Variants in GRID2 observed in about 807,000 individuals in gnomAD.
GRID2 encodes the protein glutamate receptor ionotropic, delta-2.
Under a neutral mutation model 114.8 loss-of-function variants are expected in GRID2, and 33 were observed. The ratio of observed to expected loss-of-function variants is 0.29; its 90% CI spans 0.22 to 0.38. The LOEUF (loss-of-function observed/expected upper bound fraction) is 0.38, where lower values mean the gene tolerates loss of function less well. GRID2 is among the 10% of genes least tolerant of loss of function. The pLI, the probability that GRID2 is intolerant of heterozygous loss-of-function variation, is 1.00. For missense variants in GRID2, 1,184 were observed against 1,257.7 expected (o/e 0.94, Z 0.89); for synonymous variants, 505 against 449.9 (o/e 1.12, Z -1.55).
At chr4:93,533,127 C>A (rs1731622116) in intron 13 of GRID2, among the ~76,000 whole-genome samples, 1 of 152,172 alleles carries the variant, frequency 6.6e-6, no homozygotes, top group African/African-American at 2.4e-5. Context: ...GTTGTCCCAC[C>A]TTTTATTTTT....
rs527770693 is a variant in GRID2 at position 92,975,156 on chromosome 4, C to CAAAAAA, written c.245-109823_245-109818dup. Among the ~76,000 whole-genome samples, 15 of 46,672 alleles carry CAAAAAA rather than the reference C, an allele frequency of 3.2e-4. 3 individuals carry two copies. Among genetic ancestry groups the CAAAAAA allele is most frequent in the Non-Finnish European group, 4.4e-4 (12 of 27,318 alleles). 30.6% of individuals were successfully genotyped at this position (46,672 alleles called of 152,430 possible). A position where few individuals can be genotyped will look rare whatever the true frequency, so the allele number is the denominator to read the frequency against. On this transcript the variant is annotated intron_variant, in intron 2 of 15. Coordinates refer to ENST00000282020, the MANE Select transcript of GRID2 (RefSeq NM_001510.4). ...TGGGCGACAGAGTGAGATTCCGCCT[C>CAAAAAA]AAAAAAAAAAAAAAAAAAAAAGGTG...
At chr4:92,771,165 T>G (rs1738525195) in intron 2 of GRID2, among the ~76,000 whole-genome samples, 1 of 152,202 alleles carries the variant, frequency 6.6e-6, no homozygotes, top group African/African-American at 2.4e-5. Context: ...CATTCTTTAT[T>G]AATCTCAGAC....
At chr4:92,864,507 A>G (rs970186281) in intron 2 of GRID2, among the ~76,000 whole-genome samples, 1 of 152,166 alleles carries the variant, frequency 6.6e-6, no homozygotes, top group Non-Finnish European at 1.5e-5. Flanking sequence ...TCATGCATCA[A>G]GGCCTTGATT....
chr4:92,939,675 T>C (rs535315959), intron 2 of GRID2, among the ~76,000 whole-genome samples: 5 of 147,048 alleles, frequency 3.4e-5, no homozygotes, highest in East Asian at 4.3e-4. Flanking sequence ...CCTAGGTTTT[T>C]GTCTAGGGTT....
At position 93,178,410 on chromosome 4, in the gene GRID2, T is replaced by C. The variant is rs919320960; in HGVS notation, c.736-28994T>C. On this transcript the variant is annotated intron_variant, in intron 4 of 15. Transcript: ENST00000282020. The stretch of plus-strand genomic sequence containing the variant: ...TTTTTTTTTTTTTTTTTTTTTTTTT[T>C]CCAGAGAGAGGAATCTTGCTCTGCT... Among the ~76,000 whole-genome samples, 14 of 135,180 alleles carry C rather than the reference T, an allele frequency of 1.0e-4. No individual in the cohort carries two copies. The East Asian group carries it at 1.5e-3, about 14-fold the overall frequency. The allele number at this position is 135,180 out of a possible 152,430, so 88.7% of individuals were successfully genotyped here. A position where few individuals can be genotyped will look rare whatever the true frequency, so the allele number is the denominator to read the frequency against.
intron 8 of GRID2, among the ~76,000 whole-genome samples, chr4:93,259,780 T>C (rs1190170793): frequency 6.6e-6 from 1 of 151,826 alleles, no homozygotes. Context: ...AACATACATA[T>C]CATCATTCAC....
At chr4:93,584,150 G>T (rs1578317576) in intron 13 of GRID2, among the ~76,000 whole-genome samples, 2 of 152,188 alleles carry the variant, frequency 1.3e-5, no homozygotes, top group Admixed American at 1.3e-4. Context: ...CTTACTAAAT[G>T]AATTTACCTT....
At chr4:92,335,727 T>A (rs1727129462) in intron 1 of GRID2, among the ~76,000 whole-genome samples, 1 of 152,314 alleles carries the variant, frequency 6.6e-6, no homozygotes, top group South Asian at 2.1e-4. Context: ...AATAATGAGT[T>A]ACTCAGAGAG....
intron 9 of GRID2, among the ~76,000 whole-genome samples, chr4:93,410,674 C>T (rs976309892): frequency 1.3e-5 from 2 of 152,244 alleles, no homozygotes; most frequent in African/African-American, 4.8e-5. Flanking sequence ...ACCTCCATCT[C>T]CTGGGTTCAA....
intron 2 of GRID2, among the ~76,000 whole-genome samples, chr4:92,797,875 T>C (rs1739968474): frequency 6.6e-6 from 1 of 151,956 alleles, no homozygotes; most frequent in Non-Finnish European, 1.5e-5. Context: ...ACTACACTAA[T>C]CACCTACACT....
intron 2 of GRID2, among the ~76,000 whole-genome samples, chr4:92,788,459 A>C (rs996033739): frequency 1.3e-5 from 2 of 151,918 alleles, no homozygotes; most frequent in Non-Finnish European, 2.9e-5. Context: ...TAAGGAGTGA[A>C]ATGGTTGAAT....
At chr4:92,346,565 C>T (rs191233633) in intron 1 of GRID2, among the ~76,000 whole-genome samples, 46 of 152,224 alleles carry the variant, frequency 3.0e-4, no homozygotes, top group Admixed American at 1.9e-3. Context: ...TGGAGCCTCA[C>T]TGTGTTGCCC....
rs575681944 is a variant in GRID2 at position 93,511,788 on chromosome 4, T to C, written c.1998-3428T>C. ...TTTTCCATTCCTTCTTCTTTTTTTT[T>C]TTTTTTCTTTTCTGAGAATGAGTTT... On this transcript the variant is annotated intron_variant, in intron 12 of 15. Coordinates refer to ENST00000282020, the MANE Select transcript of GRID2 (RefSeq NM_001510.4). Among the ~76,000 whole-genome samples, 58 of 152,064 alleles carry C rather than the reference T, an allele frequency of 3.8e-4. 1 individual carries two copies. In the East Asian group the frequency reaches 0.011, roughly 29 times the overall value.
At chr4:93,282,459 TAAGAG>T in intron 8 of GRID2, 1 of 414,804 alleles carries the variant, frequency 2.4e-6, no homozygotes, top group South Asian at 1.8e-5. Flanking sequence ...GAAGAAAACA[TAAGAG>T]CAGAAGACCG....
chr4:93,309,427 A>G (rs56775228), intron 8 of GRID2, among the ~76,000 whole-genome samples: 8,280 of 152,044 alleles, frequency 0.054, 761 homozygotes, highest in African/African-American at 0.19. Flanking sequence ...CCAGCTACTC[A>G]GGAGGCTGAG....
chr4:93,734,846 T>G (rs1411537285), intron 14 of GRID2, among the ~76,000 whole-genome samples: 1 of 152,188 alleles, frequency 6.6e-6, no homozygotes, highest in African/African-American at 2.4e-5. Flanking sequence ...GCACACAAAC[T>G]TTCATCCTTT....
In GRID2 at chr4:93,658,840, C is replaced by T. The variant is rs142179101; in HGVS notation, c.2360+32405C>T. ...ATAGTTTTTATATAGGGAAACTGAA[C>T]GAAGCAACTGAAAAAACTATTTTTA... On this transcript the variant is annotated intron_variant, in intron 14 of 15. Transcript: ENST00000282020. Among the ~76,000 whole-genome samples, 253 of 152,206 alleles carry T rather than the reference C, an allele frequency of 1.7e-3. 1 individual carries two copies. Among genetic ancestry groups the T allele is most frequent in the Non-Finnish European group, 2.8e-3 (191 of 68,002 alleles).
At position 93,027,867 on chromosome 4, in the gene GRID2, T is replaced by G. The variant is rs549664291; in HGVS notation, c.245-57128T>G. Among the ~76,000 whole-genome samples the G allele has an allele frequency of 2.1e-3, 315 of 152,206 alleles. 2 individuals carry two copies. Among genetic ancestry groups the G allele is most frequent in the Middle Eastern group, 6.8e-3 (2 of 294 alleles). ...AAAGCACCACACATACCTATTAATA[T>G]GAATAGTAAATACAAATCCAAATTT... On this transcript the variant is annotated intron_variant, in intron 2 of 15. Coordinates refer to ENST00000282020, the MANE Select transcript of GRID2 (RefSeq NM_001510.4).
chr4:93,326,855 G>A (rs540528341), intron 8 of GRID2, among the ~76,000 whole-genome samples: 4 of 152,200 alleles, frequency 2.6e-5, no homozygotes, highest in Non-Finnish European at 5.9e-5. Context: ...GTTTCATCAG[G>A]CTCAACTGTG....
Sources: gnomAD v4.1 joint callset for allele counts (sites outside exome capture counted in the v4.1 genomes callset) on GRCh38, gnomAD v4.1.1 for gene constraint, MANE v1.5 for transcripts, NCBI Gene and HGNC (gene_info 2026-07-23, HGNC 2026-07-21) for gene names.